AMD1: variants seen among roughly 807,000 people sequenced by gnomAD.
AMD1 encodes the protein adenosylmethionine decarboxylase 1.
AMD1 carries 11 observed loss-of-function variants against 40.2 expected under a neutral mutation model. The ratio of observed to expected loss-of-function variants is 0.27; its 90% CI spans 0.17 to 0.45. The LOEUF (loss-of-function observed/expected upper bound fraction) is 0.45. AMD1 is among the 20% of genes least tolerant of loss of function. The pLI, the probability that AMD1 is intolerant of heterozygous loss-of-function variation, is 1.00. For missense variants in AMD1, 257 were observed against 410.2 expected (o/e 0.63, Z 3.23); for synonymous variants, 121 against 130.8 (o/e 0.93, Z 0.51).
the AMD1 span, chr6:110,814,922 C>CT: frequency 6.4e-7 from 1 of 1,571,484 alleles, no homozygotes. Context: ...CGGGCACGGC[C>CT]CGACTGGGAT....
intron 1 of AMD1, among the ~76,000 whole-genome samples, chr6:110,884,888 A>G (rs1339750486): frequency 6.6e-6 from 1 of 152,212 alleles, no homozygotes; most frequent in Non-Finnish European, 1.5e-5. Context: ...AGAATAAGTT[A>G]TAGTGGGAAG....
At chr6:110,869,972 ACTC>A (rs1784885446), upstream of AMD1, among the ~76,000 whole-genome samples, 1 of 149,478 alleles carries the variant, frequency 6.7e-6, no homozygotes, top group African/African-American at 2.5e-5. Flanking sequence ...CTGGTCTTGA[ACTC>A]CTGGGCTTAA....
rs1032243326 is a variant in AMD1, at chr6:110,888,656, T to G, written c.198-201T>G. 9 of 427,564 alleles carry G rather than the reference T, an allele frequency of 2.1e-5. No individual in the cohort carries two copies. The Admixed American group carries it at 2.5e-4, about 12-fold the overall frequency. 26.5% of individuals were successfully genotyped at this position (427,564 alleles called of 1,614,324 possible). ...GTTTATATTATGAATATACGAATGT[T>G]TATCAAAATGCTTACCATGTGCCAA... is the stretch of plus-strand genomic sequence containing the variant. On this transcript the variant is annotated intron_variant, in intron 2 of 8. Transcript: ENST00000368885.
At chr6:110,821,911 T>C in the AMD1 span, among the ~76,000 whole-genome samples, 2 of 151,852 alleles carry the variant, frequency 1.3e-5, no homozygotes, top group African/African-American at 4.8e-5. Flanking sequence ...CTCCAGGAAA[T>C]AGAGATACAA....
chr6:110,869,698 G>C, the AMD1 span, among the ~76,000 whole-genome samples: 18 of 151,084 alleles, frequency 1.2e-4, no homozygotes, highest in African/African-American at 4.1e-4. Context: ...TAGCAGAGAC[G>C]GGGGTTCTCC....
chr6:110,856,936 G>A, the AMD1 span, among the ~76,000 whole-genome samples: 3 of 152,170 alleles, frequency 2.0e-5, no homozygotes, highest in Admixed American at 6.6e-5. Context: ...GGCCAAGGCA[G>A]GTGGATCATT....
At chr6:110,887,434 T>G in intron 1 of AMD1, 71 bp from the exon 2 acceptor site, 22 of 1,089,692 alleles carry the variant, frequency 2.0e-5, no homozygotes, top group Non-Finnish European at 2.8e-5. Flanking sequence ...AGAAAAAGTG[T>G]GAGCTTTGTA....
chr6:110,875,608 G>C (rs1406144659), intron 1 of AMD1: 2 of 165,884 alleles, frequency 1.2e-5, no homozygotes, highest in African/African-American at 4.8e-5. Context: ...CGCCTGCGCG[G>C]GTTGCCTCCG....
chr6:110,829,895 C>T, the AMD1 span, among the ~76,000 whole-genome samples: 1 of 152,048 alleles, frequency 6.6e-6, no homozygotes, highest in Non-Finnish European at 1.5e-5. Flanking sequence ...ACCCTGAAGG[C>T]TTTAATCCAG....
At chr6:110,885,851 A>G (rs1436963351) in intron 1 of AMD1, among the ~76,000 whole-genome samples, 2 of 152,224 alleles carry the variant, frequency 1.3e-5, no homozygotes, top group South Asian at 2.1e-4. Context: ...AAATGGTGAG[A>G]CAGGCACAAA....
At chr6:110,883,895 C>T (rs1278545780) in intron 1 of AMD1, among the ~76,000 whole-genome samples, 1 of 152,084 alleles carries the variant, frequency 6.6e-6, no homozygotes, top group Non-Finnish European at 1.5e-5. Context: ...CCGGCCAAAG[C>T]CCTATTTTTA....
chr6:110,867,720 A>C, the AMD1 span, among the ~76,000 whole-genome samples: 6 of 152,210 alleles, frequency 3.9e-5, no homozygotes, highest in Non-Finnish European at 7.3e-5. Flanking sequence ...GCAGTTAAAA[A>C]AATTTCAAAA....
chr6:110,840,117 C>CA, the AMD1 span, among the ~76,000 whole-genome samples: 1 of 147,464 alleles, frequency 6.8e-6, no homozygotes, highest in East Asian at 2.1e-4. Flanking sequence ...CTCCTGGGTT[C>CA]AAGTGATCTC....
intron 3 of AMD1, chr6:110,889,958 C>T (rs1465926841): frequency 8.5e-6 from 2 of 235,020 alleles, no homozygotes; most frequent in Non-Finnish European, 1.6e-5. Flanking sequence ...AAGGAATATA[C>T]TTGGTGTTAA....
At chr6:110,870,757 C>G (rs1417051401), upstream of AMD1, among the ~76,000 whole-genome samples, 4 of 152,128 alleles carry the variant, frequency 2.6e-5, no homozygotes, top group Admixed American at 2.6e-4. Flanking sequence ...AAGCCAGCTT[C>G]AATAATGAGA....
At chr6:110,871,116 G>C (rs1435225027), upstream of AMD1, among the ~76,000 whole-genome samples, 1 of 152,206 alleles carries the variant, frequency 6.6e-6, no homozygotes, top group African/African-American at 2.4e-5. Context: ...GATGAGGTTG[G>C]AGGATAATTA....
chr6:110,880,641 G>A (rs1389920333), intron 1 of AMD1, among the ~76,000 whole-genome samples: 1 of 145,700 alleles, frequency 6.9e-6, no homozygotes, highest in Admixed American at 6.9e-5. Context: ...GTAGGCTTGG[G>A]ACTCTTGTTC....
intron 6 of AMD1, 46 bp downstream of exon 6, chr6:110,892,489 G>T (rs745314657): frequency 6.2e-7 from 1 of 1,600,460 alleles, no homozygotes; most frequent in Non-Finnish European, 8.5e-7. Context: ...TCTGCGTGGG[G>T]ACTAAATTTT....
chr6:110,864,497 T>C, the AMD1 span: 4 of 153,556 alleles, frequency 2.6e-5, no homozygotes, highest in East Asian at 5.8e-4. Context: ...CAATAAATTA[T>C]AAATGTTTTA....
Sources: allele counts gnomAD v4.1 joint callset (sites outside exome capture counted in the v4.1 genomes callset), GRCh38; gene constraint gnomAD v4.1.1; transcripts MANE v1.5; gene names NCBI Gene and HGNC (gene_info 2026-07-23, HGNC 2026-07-21).